Variants in NOL4 observed in about 807,000 individuals in gnomAD.
NOL4 encodes cancer/testis antigen 125.
Under a neutral mutation model 75.9 loss-of-function variants are expected in NOL4, and 17 were observed. That is an observed-to-expected ratio of 0.22 (90% CI 0.15 to 0.34). The LOEUF (loss-of-function observed/expected upper bound fraction) is 0.34, where lower values mean the gene tolerates loss of function less well. Ranked by LOEUF, NOL4 falls within the 10% of genes least tolerant of loss-of-function variation. The pLI is 1.00. For missense variants in NOL4, 614 were observed against 793.5 expected (o/e 0.77, Z 2.72); for synonymous variants, 292 against 289.9 (o/e 1.01, Z -0.07).
At chr18:34,218,017 G>C (rs1162235626) in intron 1 of NOL4, among the ~76,000 whole-genome samples, 1 of 150,180 alleles carries the variant, frequency 6.7e-6, no homozygotes, top group Non-Finnish European at 1.5e-5. Flanking sequence ...CATGAAGTTT[G>C]TTTTATCTTG....
At chr18:34,042,051 C>CA (rs1477028076) in intron 5 of NOL4, among the ~76,000 whole-genome samples, 1 of 151,766 alleles carries the variant, frequency 6.6e-6, no homozygotes, top group East Asian at 1.9e-4. Context: ...AAGTCAGGAG[C>CA]AAAAAATGAA....
chr18:33,979,737 TA>T (rs975241387), intron 6 of NOL4, among the ~76,000 whole-genome samples: 2 of 151,992 alleles, frequency 1.3e-5, no homozygotes, highest in African/African-American at 4.8e-5. Flanking sequence ...ATAAAGACCA[TA>T]AAAAACTTTC....
At chr18:34,212,252 C>A (rs543521969) in intron 1 of NOL4, among the ~76,000 whole-genome samples, 1 of 152,146 alleles carries the variant, frequency 6.6e-6, no homozygotes, top group East Asian at 1.9e-4. Context: ...AGTCATTAGT[C>A]ACTAAATATG....
At chr18:33,991,327 AT>A (rs1568180179) in intron 6 of NOL4, among the ~76,000 whole-genome samples, 1 of 152,082 alleles carries the variant, frequency 6.6e-6, no homozygotes, top group African/African-American at 2.4e-5. Context: ...AACTTTATTT[AT>A]AAGTGAATGT....
rs768594557 is a variant in NOL4, at chr18:34,104,092, G to A, written c.594C>T (p.Tyr198=). Reference sequence around the variant, plus strand: ...GCAGCTGCAGCTTCATGTGTTTCATGTAGGCCATGGTAATTGGCATGTTGT... The same window carrying A: ...GCAGCTGCAGCTTCATGTGTTTCATATAGGCCATGGTAATTGGCATGTTGT... ...IDYNMPITMA[Y]MKHMKLQLLN... is the part of the protein sequence containing the mutation. Residue 198 remains tyrosine, a synonymous_variant, in exon 4 of 11, where the codon TAC becomes TAT. Coordinates refer to ENST00000261592, the MANE Select transcript of NOL4 (RefSeq NM_003787.5). 7 of 1,611,640 alleles carry A rather than the reference G, an allele frequency of 4.3e-6. No homozygotes were observed. In the African/African-American group the frequency reaches 9.4e-5, roughly 22 times the overall value.
intron 9 of NOL4, among the ~76,000 whole-genome samples, chr18:33,912,295 A>G (rs1313481906): frequency 6.6e-6 from 1 of 152,056 alleles, no homozygotes; most frequent in Non-Finnish European, 1.5e-5. Context: ...AGCATTTTGG[A>G]AGGAAGTACA....
rs757514577 is a variant in NOL4, at chr18:34,105,065, A to T, written c.510T>A (p.Asp170Glu). Residue 170 changes from aspartate to glutamate, a missense_variant, in exon 3 of 11, where the codon GAT becomes GAA. By Grantham distance (45) the Asp-to-Glu change is conservative. Coordinates refer to ENST00000261592, the MANE Select transcript of NOL4 (RefSeq NM_003787.5). Reference protein sequence around the residue: ...ECQKRMHLNPDGTDHKDNGKP... With the variant: ...ECQKRMHLNPEGTDHKDNGKP... Reference sequence around the variant, plus strand: ...TGCAGCTACCTTTATGATCTGTTCCATCTGGGTTTAAATGCATTCTTTTCT... The same window carrying T: ...TGCAGCTACCTTTATGATCTGTTCCTTCTGGGTTTAAATGCATTCTTTTCT... 6.2e-7 allele frequency: 1 copy of T among 1,608,098 alleles called. No homozygotes were observed. The highest frequency in any genetic ancestry group is 8.5e-7 in the Non-Finnish European group (1 of 1,174,900).
At chr18:34,044,600 T>C (rs1408352242) in intron 5 of NOL4, among the ~76,000 whole-genome samples, 1 of 152,184 alleles carries the variant, frequency 6.6e-6, no homozygotes, top group Non-Finnish European at 1.5e-5. Context: ...TATAGAGTAG[T>C]CCAATGAATG....
At chr18:34,190,113 C>A (rs921479961) in intron 1 of NOL4, among the ~76,000 whole-genome samples, 3 of 151,096 alleles carry the variant, frequency 2.0e-5, no homozygotes, top group Admixed American at 6.6e-5. Context: ...AGATCTTTTG[C>A]ATATAGATAG....
intron 1 of NOL4, among the ~76,000 whole-genome samples, chr18:34,214,494 A>C (rs899723614): frequency 3.9e-5 from 6 of 152,184 alleles, no homozygotes; most frequent in Non-Finnish European, 7.4e-5. Context: ...GATTTTTAGA[A>C]ATTCACCTTA....
intron 1 of NOL4, among the ~76,000 whole-genome samples, chr18:34,139,243 G>C (rs1450906242): frequency 6.6e-6 from 1 of 152,174 alleles, no homozygotes; most frequent in Non-Finnish European, 1.5e-5. Flanking sequence ...AATAGTTCCA[G>C]AAGGAATGGT....
At chr18:33,864,325 T>G (rs1599667924) in intron 10 of NOL4, among the ~76,000 whole-genome samples, 1 of 152,270 alleles carries the variant, frequency 6.6e-6, no homozygotes, top group Non-Finnish European at 1.5e-5. Context: ...ACTGCAAAAT[T>G]TTCTAACTTT....
At chr18:33,925,835 T>C (rs1262359078) in intron 9 of NOL4, among the ~76,000 whole-genome samples, 1 of 152,180 alleles carries the variant, frequency 6.6e-6, no homozygotes, top group Non-Finnish European at 1.5e-5. Flanking sequence ...GGAAAATCTA[T>C]GCTGAAAGGA....
At chr18:34,161,089 CT>C (rs1274318405) in intron 1 of NOL4, among the ~76,000 whole-genome samples, 2 of 152,078 alleles carry the variant, frequency 1.3e-5, no homozygotes, top group African/African-American at 4.8e-5. Context: ...TTGTGCGTGG[CT>C]TATTTCACTT....
At chr18:34,006,929 G>A (rs953322329) in intron 6 of NOL4, among the ~76,000 whole-genome samples, 2 of 151,904 alleles carry the variant, frequency 1.3e-5, no homozygotes, top group African/African-American at 4.8e-5. Flanking sequence ...GGATTTATGA[G>A]CCCAGGAATC....
intron 1 of NOL4, among the ~76,000 whole-genome samples, chr18:34,187,622 C>G (rs867936024): frequency 2.0e-4 from 30 of 152,020 alleles, no homozygotes; most frequent in Middle Eastern, 6.3e-3. Context: ...TTCTTGACCT[C>G]GTGATACGCC....
chr18:34,149,659 G>T (rs1342111820), intron 1 of NOL4, among the ~76,000 whole-genome samples: 2 of 151,604 alleles, frequency 1.3e-5, no homozygotes, highest in Non-Finnish European at 3.0e-5. Context: ...GCATGATGAA[G>T]CCATAATTTG....
intron 5 of NOL4, among the ~76,000 whole-genome samples, chr18:34,024,188 A>ATATATATATATAT (rs1333196318): frequency 7.7e-5 from 5 of 64,586 alleles, no homozygotes; most frequent in Admixed American, 3.0e-4. Flanking sequence ...CAGGAAAAAA[A>ATATATATATATAT]AAAAAAATAT....
At chr18:33,871,792 TGAA>T (rs2063714287) in intron 10 of NOL4, among the ~76,000 whole-genome samples, 2 of 152,040 alleles carry the variant, frequency 1.3e-5, no homozygotes, top group South Asian at 4.1e-4. Flanking sequence ...TGATCAATGT[TGAA>T]CTATAAAACC....
Sources: allele counts gnomAD v4.1 joint callset (sites outside exome capture counted in the v4.1 genomes callset), GRCh38; gene constraint gnomAD v4.1.1; transcripts MANE v1.5; gene names NCBI Gene and HGNC (gene_info 2026-07-23, HGNC 2026-07-21).